Variants in MAP3K10 observed in about 807,000 individuals in gnomAD.
The protein encoded by MAP3K10 is mitogen-activated protein kinase kinase kinase 10, also known as MKN28 derived nonreceptor_type serine/threonine kinase.
A neutral mutation model predicts 75.0 loss-of-function variants in MAP3K10; 22 were observed. The observed-to-expected ratio is 0.29, with a 90% confidence interval of 0.21 to 0.42. The LOEUF is 0.42. Ranked by LOEUF, MAP3K10 falls within the 10% of genes least tolerant of loss-of-function variation. The pLI is 1.00. For synonymous variants in MAP3K10, 599 were observed against 612.9 expected (o/e 0.98, Z 0.34); for missense variants, 1,165 against 1,379.8 (o/e 0.84, Z 2.47).
intron 6 of MAP3K10, among the ~76,000 whole-genome samples, chr19:40,210,754 G>A (rs1398833919): frequency 6.6e-6 from 1 of 151,964 alleles, no homozygotes; most frequent in Non-Finnish European, 1.5e-5. Flanking sequence ...AATGTCCAGT[G>A]TCTCAGGGCA....
rs1378870353 is a variant in MAP3K10 at position 40,212,821 on chromosome 19, T to TGGTGGCAGCAGC, written c.1570_1581dup (p.Gly524_Ser527dup). 2 of 1,596,600 alleles carry TGGTGGCAGCAGC rather than the reference T, an allele frequency of 1.3e-6. No individual in the cohort carries two copies. Among genetic ancestry groups the TGGTGGCAGCAGC allele is most frequent in the South Asian group, 1.1e-5 (1 of 88,978 alleles). Reference sequence around the variant, plus strand: ...TGGACCCAGTGACTCCCGTGGACTGTGGTGGCAGCAGCAGTGGCAGCAGCA... The same window carrying TGGTGGCAGCAGC: ...TGGACCCAGTGACTCCCGTGGACTGTGGTGGCAGCAGCGGTGGCAGCAGCAGTGGCAGCAGCA... On this transcript the variant is annotated inframe_insertion, in exon 7 of 10. Transcript: ENST00000253055. This position sits in a 1 kb window ranked among gnomAD's most constrained non-coding sequence, Gnocchi z 4.2.
At chr19:40,194,772 C>T (rs1377483838) in intron 1 of MAP3K10, among the ~76,000 whole-genome samples, 1 of 152,124 alleles carries the variant, frequency 6.6e-6, no homozygotes, top group Non-Finnish European at 1.5e-5. Context: ...TCTTACTAGG[C>T]ACTGCCTCAG....
At chr19:40,203,726 C>T (rs1251366527) in intron 2 of MAP3K10, among the ~76,000 whole-genome samples, 1 of 152,188 alleles carries the variant, frequency 6.6e-6, no homozygotes. Flanking sequence ...GCAGTAAGTG[C>T]TTTATAAATG....
chr19:40,209,616 T>C (rs1161981669), intron 6 of MAP3K10, among the ~76,000 whole-genome samples: 5 of 151,964 alleles, frequency 3.3e-5, no homozygotes, highest in Non-Finnish European at 7.4e-5. Flanking sequence ...GGTTTCACCA[T>C]GTTGGCCAGG....
intron 1 of MAP3K10, among the ~76,000 whole-genome samples, chr19:40,195,115 G>T (rs550202528): frequency 1.4e-4 from 21 of 152,282 alleles, no homozygotes; most frequent in Non-Finnish European, 2.5e-4. Context: ...AGGCATTGAG[G>T]CAGAGATGGG....
Position 40,212,060 on chromosome 19 carries a change from C to T in MAP3K10, c.1553-745C>T, listed in dbSNP as rs1305661397. On this transcript the variant is annotated intron_variant, in intron 6 of 9. Coordinates refer to ENST00000253055, the MANE Select transcript of MAP3K10 (RefSeq NM_002446.4). The surrounding 1 kb of genome is among the most constrained non-coding windows in gnomAD (Gnocchi z 4.2). ...TTTCTTTTAACTGCCCTGGGGCAGCCCCCAGAGCCATGCGAGCAAGGCACT... is the reference window on the plus strand; with the variant it reads ...TTTCTTTTAACTGCCCTGGGGCAGCTCCCAGAGCCATGCGAGCAAGGCACT... Among the ~76,000 whole-genome samples, 1 of 152,170 alleles carries T rather than the reference C, an allele frequency of 6.6e-6. No homozygotes were observed. Among genetic ancestry groups the T allele is most frequent in the Non-Finnish European group, 1.5e-5 (1 of 68,024 alleles).
chr19:40,204,891 A>G lies in MAP3K10; in HGVS notation c.1013-230A>G. ...GCCCTGGGATTCCACCTTGATCCTG[A>G]TTCCACTACCAGCCCCTCCTCGGGG... is the stretch of plus-strand genomic sequence containing the variant. On this transcript the variant is annotated intron_variant, in intron 3 of 9. Transcript: ENST00000253055. This position sits in a 1 kb window ranked among gnomAD's most constrained non-coding sequence, Gnocchi z 4.3. 1.6e-6 allele frequency: 1 copy of G among 616,228 alleles called. No homozygotes were observed. Among genetic ancestry groups the G allele is most frequent in the Non-Finnish European group, 2.8e-6 (1 of 353,912 alleles). The allele number at this position is 616,228 out of a possible 1,614,324, so 38.2% of individuals were successfully genotyped here. A position where few individuals can be genotyped will look rare whatever the true frequency, so the allele number is the denominator to read the frequency against.
chr19:40,208,999 C>T (rs921143667), intron 5 of MAP3K10, 104 bp from the exon 6 acceptor site: 17 of 788,562 alleles, frequency 2.2e-5, no homozygotes, highest in South Asian at 6.2e-5. Flanking sequence ...TGAAAAATGG[C>T]GGTGTTCCCA....
chr19:40,202,021 G>A (rs1973034971), intron 2 of MAP3K10, among the ~76,000 whole-genome samples: 1 of 151,290 alleles, frequency 6.6e-6, no homozygotes, highest in African/African-American at 2.4e-5. Context: ...CACAAGAAGG[G>A]GAAAAAAGGA....
Position 40,191,931 on chromosome 19 carries a change from C to A in MAP3K10, c.-101C>A. ...CATGGCCCTCAGGAGCTCCCTAGAC[C>A]CCGCAGGGACTGCCCTCCATCCCGG... On this transcript the variant is annotated 5_prime_UTR_variant, in exon 1 of 10. Coordinates refer to ENST00000253055, the MANE Select transcript of MAP3K10 (RefSeq NM_002446.4). The A allele has an allele frequency of 1.3e-6, 1 of 755,746 alleles. No homozygotes were observed. The highest frequency in any genetic ancestry group is 2.0e-6 in the Non-Finnish European group (1 of 504,876). The allele number at this position is 755,746 out of a possible 1,614,324, so 46.8% of individuals were successfully genotyped here.
rs768143257 is a variant in MAP3K10 at position 40,212,873 on chromosome 19, G to A, written c.1621G>A (p.Gly541Ser). Reference protein sequence around the residue: ...SSGGSGTWSRGGPPKKEELVG... With the variant: ...SSGGSGTWSRSGPPKKEELVG... ...TGGAGGAAGTGGGACATGGAGCCGCGGTGGGCCCCCAAAGAAGGAAGAACT... is the reference window on the plus strand; with the variant it reads ...TGGAGGAAGTGGGACATGGAGCCGCAGTGGGCCCCCAAAGAAGGAAGAACT... The change falls in exon 7 of 10, where the codon GGT (glycine) becomes AGT (serine). Residue 541 changes from glycine (G) to serine (S), a missense_variant. Around this residue, in one of 2 missense-constraint regions of MAP3K10, gnomAD observed 575 missense variants for 793.2 expected, o/e 0.72. Transcript: ENST00000253055. The surrounding 1 kb of genome is among the most constrained non-coding windows in gnomAD (Gnocchi z 4.2). 14 of 1,611,758 alleles carry A rather than the reference G, an allele frequency of 8.7e-6. No individual in the cohort carries two copies. Among genetic ancestry groups the A allele is most frequent in the East Asian group, 2.2e-5 (1 of 44,818 alleles).
chr19:40,192,767 C>T lies in MAP3K10; in HGVS notation c.682+54C>T, dbSNP rs1972843901. 5 of 1,408,970 alleles carry T rather than the reference C, an allele frequency of 3.5e-6. No individual in the cohort carries two copies. The Admixed American group carries it at 7.7e-5, about 22-fold the overall frequency. 87.3% of individuals were successfully genotyped at this position (1,408,970 alleles called of 1,614,324 possible). On this transcript the variant is annotated intron_variant, in intron 1 of 9. Transcript: ENST00000253055. The surrounding 1 kb of genome is among the most constrained non-coding windows in gnomAD (Gnocchi z 7.1). ...TTCCACAGAACCTCTCAAGGCCAGG[C>T]CTAGGTGGTGGGAAACAGGGTGAGG...
intron 6 of MAP3K10, among the ~76,000 whole-genome samples, chr19:40,209,435 CAG>C (rs1973194358): frequency 6.9e-6 from 1 of 145,748 alleles, no homozygotes; most frequent in Non-Finnish European, 1.5e-5. Flanking sequence ...TGGAGACAGA[CAG>C]AGTCTCGCTC....
chr19:40,191,958 C>A lies in MAP3K10; in HGVS notation c.-74C>A. 1 of 1,095,758 alleles carries A rather than the reference C, an allele frequency of 9.1e-7. No homozygotes were observed. Among genetic ancestry groups the A allele is most frequent in the Non-Finnish European group, 1.2e-6 (1 of 809,636 alleles). The allele number at this position is 1,095,758 out of a possible 1,614,324, so 67.9% of individuals were successfully genotyped here. A position where few individuals can be genotyped will look rare whatever the true frequency, so the allele number is the denominator to read the frequency against. On this transcript the variant is annotated 5_prime_UTR_variant, in exon 1 of 10. Transcript: ENST00000253055. ...CGCAGGGACTGCCCTCCATCCCGGC[C>A]GCCGGGGCCCGCCCTCTGCATCCCG...
At chr19:40,214,849 A>C (rs1407482495) in intron 9 of MAP3K10, 121 bp from the exon 10 acceptor site, 4 of 617,724 alleles carry the variant, frequency 6.5e-6, no homozygotes, top group Non-Finnish European at 1.2e-5. Context: ...AACTGGATGC[A>C]GCAAGATCCA....
At position 40,192,061 on chromosome 19, in the gene MAP3K10, G is replaced by A. The variant is rs955734389; in HGVS notation, c.30G>A (p.Lys10=). ...AGGAGGAGGAGGGGGCGGTGGCCAA[G>A]GAGTGGGGCACGACCCCCGCGGGGC... is the stretch of plus-strand genomic sequence containing the variant. MEEEEGAVA[K]EWGTTPAGPV... is the part of the protein sequence containing the mutation. Residue 10 remains lysine, a synonymous_variant, in exon 1 of 10, where the codon AAG becomes AAA. Transcript: ENST00000253055. This position sits in a 1 kb window ranked among gnomAD's most constrained non-coding sequence, Gnocchi z 7.1. The A allele has an allele frequency of 3.4e-6, 5 of 1,463,508 alleles. No individual in the cohort carries two copies. Among genetic ancestry groups the A allele is most frequent in the East Asian group, 2.6e-5 (1 of 38,728 alleles). 90.7% of individuals were successfully genotyped at this position (1,463,508 alleles called of 1,614,324 possible).
In MAP3K10 at chr19:40,192,230, C is replaced by T. The variant is rs1189613612; in HGVS notation, c.199C>T (p.Arg67Cys). ...GWWTGQLPSG[R>C]VGVFPSNYVA... Reference sequence around the variant, plus strand: ...GTGGACCGGGCAGCTCCCCAGCGGCCGCGTGGGCGTCTTCCCCAGCAACTA... The same window carrying T: ...GTGGACCGGGCAGCTCCCCAGCGGCTGCGTGGGCGTCTTCCCCAGCAACTA... Residue 67 changes from arginine to cysteine, a missense_variant, in exon 1 of 10, where the codon CGC becomes TGC. Arg to Cys is a radical substitution (Grantham distance 180). Transcript: ENST00000253055. This position sits in a 1 kb window ranked among gnomAD's most constrained non-coding sequence, Gnocchi z 7.1. The T allele has an allele frequency of 3.1e-6, 5 of 1,605,046 alleles. No homozygotes were observed. The highest frequency in any genetic ancestry group is 3.4e-6 in the Non-Finnish European group (4 of 1,177,390).
intron 9 of MAP3K10, among the ~76,000 whole-genome samples, chr19:40,214,552 A>C (rs1262032494): frequency 1.3e-5 from 2 of 152,130 alleles, no homozygotes; most frequent in African/African-American, 2.4e-5. Context: ...CAGTGTTATT[A>C]AGTACCCACG....
intron 1 of MAP3K10, among the ~76,000 whole-genome samples, chr19:40,194,076 C>T (rs2145066460): frequency 6.6e-6 from 1 of 152,272 alleles, no homozygotes; most frequent in South Asian, 2.1e-4. Context: ...CAACAGAGAG[C>T]TTGGCTGGGC....
Sources: allele counts gnomAD v4.1 joint callset (sites outside exome capture counted in the v4.1 genomes callset), GRCh38; gene constraint gnomAD v4.1.1; regional missense constraint gnomAD v4.1.1; non-coding constraint Gnocchi (gnomAD v3.1); transcripts MANE v1.5; gene names NCBI Gene and HGNC (gene_info 2026-07-23, HGNC 2026-07-21).